Variants in LVRN observed in about 807,000 individuals in gnomAD.
LVRN encodes the protein aminopeptidase Q.
A neutral mutation model predicts 111.4 loss-of-function variants in LVRN; 99 were observed. The observed-to-expected ratio is 0.89, with a 90% CI of 0.76 to 1.05. The LOEUF is 1.05. Among genes scored for constraint, LVRN ranks in the 50% least tolerant of loss-of-function variants. The pLI is 0.00. For missense variants in LVRN, 1,414 were observed against 1,206.8 expected, an observed-to-expected ratio of 1.17 and a Z score of -2.54; for synonymous variants, 488 against 449.5, an observed-to-expected ratio of 1.09 and a Z score of -1.08.
chr5:115,970,384 CTTTTT>C (rs3984987), intron 1 of LVRN, among the ~76,000 whole-genome samples: 3 of 133,834 alleles, frequency 2.2e-5, no homozygotes, highest in Non-Finnish European at 1.6e-5. Context: ...GAAATACATT[CTTTTT>C]TTTTTTTTTT....
chr5:115,992,654 A>C (rs1488931706), intron 5 of LVRN, among the ~76,000 whole-genome samples: 1 of 152,180 alleles, frequency 6.6e-6, no homozygotes, highest in Non-Finnish European at 1.5e-5. Flanking sequence ...TCATCAGCAG[A>C]TTGTTATAAA....
rs1748009522 is a variant in LVRN at position 115,992,226 on chromosome 5, A to G, written c.1209A>G (p.Thr403=). The G allele has an allele frequency of 6.2e-7, 1 of 1,613,930 alleles. No individual in the cohort carries two copies. Among genetic ancestry groups the G allele is most frequent in the Non-Finnish European group, 8.5e-7 (1 of 1,179,926 alleles). ...GLLLEPKDQL[T]EKKTLISYVV... ...TGTTGGAACCAAAAGATCAACTGACAGAAAAAAAGACTCTGATCTCCTATG... is the reference window on the plus strand; with the variant it reads ...TGTTGGAACCAAAAGATCAACTGACGGAAAAAAAGACTCTGATCTCCTATG... The change falls in exon 5 of 20, where the codon ACA becomes ACG. Residue 403 remains threonine (T), a synonymous_variant. Coordinates refer to ENST00000357872, the MANE Select transcript of LVRN (RefSeq NM_173800.5).
At chr5:115,971,397 A>G (rs6594920) in intron 1 of LVRN, among the ~76,000 whole-genome samples, 57,258 of 151,948 alleles carry the variant, frequency 0.38, 11,348 homozygotes, top group East Asian at 0.52. Flanking sequence ...TATCTGTGAA[A>G]ACATTGTCTA....
intron 19 of LVRN, among the ~76,000 whole-genome samples, chr5:116,022,973 A>C (rs964755522): frequency 6.6e-6 from 1 of 152,162 alleles, no homozygotes; most frequent in African/African-American, 2.4e-5. Flanking sequence ...ACCACTTACA[A>C]ATTTTCTTGA....
intron 3 of LVRN, among the ~76,000 whole-genome samples, chr5:115,985,933 G>A (rs1747848937): frequency 3.3e-5 from 5 of 152,188 alleles, no homozygotes; most frequent in Admixed American, 3.3e-4. Flanking sequence ...AGGGGCCCAA[G>A]GTCTTCCAGG....
rs759375061 is a variant in LVRN at position 115,983,435 on chromosome 5, T to A, written c.838+6T>A. On this transcript the variant is annotated splice_donor_region_variant and intron_variant, in intron 2 of 19. Transcript: ENST00000357872. ...TTCCAACATGCCAAAGCTAGGTAAG[T>A]AATGCTTTCTGTCTATATCTAGCTG... The A allele has an allele frequency of 2.5e-6, 4 of 1,591,362 alleles. No homozygotes were observed. The Admixed American group carries it at 5.5e-5, about 22-fold the overall frequency.
intron 1 of LVRN, among the ~76,000 whole-genome samples, chr5:115,963,560 A>T (rs1303092561): frequency 2.0e-5 from 3 of 152,202 alleles, no homozygotes; most frequent in African/African-American, 7.2e-5. Flanking sequence ...TGCACCCATT[A>T]AGAAATATAC....
intron 4 of LVRN, among the ~76,000 whole-genome samples, chr5:115,989,264 T>C (rs1747931877): frequency 6.6e-6 from 1 of 152,186 alleles, no homozygotes; most frequent in African/African-American, 2.4e-5. Flanking sequence ...TACCAACCTC[T>C]CAGGGCTTTT....
chr5:115,996,300 C>CA (rs1748108668), intron 6 of LVRN, among the ~76,000 whole-genome samples: 1 of 152,134 alleles, frequency 6.6e-6, no homozygotes, highest in Admixed American at 6.6e-5. Flanking sequence ...CAAAACTTGC[C>CA]AAAAACATAT....
chr5:116,001,163 A>C lies in LVRN; in HGVS notation c.1744A>C (p.Asn582His). The C allele has an allele frequency of 1.2e-6, 2 of 1,614,038 alleles. No homozygotes were observed. The highest frequency in any genetic ancestry group is 1.7e-6 in the Non-Finnish European group (2 of 1,179,994). Residue 582 changes from asparagine (N) to histidine (H), a missense_variant, in exon 10 of 20, where the codon AAT becomes CAT. Transcript: ENST00000357872. The part of the protein sequence containing the change: ...HQSGFPVITL[N>H]VSTGVMKQEP... ...GAGTGGTTTTCCAGTGATCACTTTA[A>C]ATGTGTCTACTGGCGTCATGAAACA...
chr5:116,010,971 G>A (rs1247712372), intron 14 of LVRN, 77 bp downstream of exon 14: 2 of 1,079,812 alleles, frequency 1.9e-6, no homozygotes, highest in Admixed American at 3.9e-5. Flanking sequence ...GCATCTGTGA[G>A]ACAGGTCTTT....
chr5:116,014,168 T>C (rs1487137227), intron 15 of LVRN, among the ~76,000 whole-genome samples: 1 of 152,210 alleles, frequency 6.6e-6, no homozygotes. Flanking sequence ...AGGATGGCAG[T>C]AATTTGTTTC....
At chr5:115,979,057 G>A (rs1436706168) in intron 1 of LVRN, among the ~76,000 whole-genome samples, 1 of 152,044 alleles carries the variant, frequency 6.6e-6, no homozygotes, top group Non-Finnish European at 1.5e-5. Flanking sequence ...GTATCTCAAA[G>A]CTCCTCCAGC....
intron 1 of LVRN, among the ~76,000 whole-genome samples, chr5:115,973,988 A>G (rs1297594169): frequency 6.6e-6 from 1 of 152,208 alleles, no homozygotes. Flanking sequence ...AGAATATAAT[A>G]AGCCCCCATT....
rs1473868864 is a variant in LVRN at position 115,962,916 on chromosome 5, C to A, written c.299C>A (p.Pro100His). 5 of 1,613,030 alleles carry A rather than the reference C, an allele frequency of 3.1e-6. No individual in the cohort carries two copies. Among genetic ancestry groups the A allele is most frequent in the Non-Finnish European group, 4.2e-6 (5 of 1,179,760 alleles). The change falls in exon 1 of 20, where the codon CCC becomes CAC. Residue 100 changes from proline to histidine, a missense_variant. Coordinates refer to ENST00000357872, the MANE Select transcript of LVRN (RefSeq NM_173800.5). ...PGPWDQLRLP[P>H]WLVPLHYDLE... ...CCCTGGGACCAGCTACGCCTGCCGCCCTGGCTCGTGCCGCTGCACTACGAT... is the reference window on the plus strand; with the variant it reads ...CCCTGGGACCAGCTACGCCTGCCGCACTGGCTCGTGCCGCTGCACTACGAT...
intron 1 of LVRN, among the ~76,000 whole-genome samples, chr5:115,979,998 G>C (rs1327697216): frequency 6.6e-6 from 1 of 152,096 alleles, no homozygotes; most frequent in Non-Finnish European, 1.5e-5. Flanking sequence ...GTGAGTCCAT[G>C]ATCCACTTCC....
chr5:115,965,045 T>A (rs2112544125), intron 1 of LVRN, among the ~76,000 whole-genome samples: 1 of 152,336 alleles, frequency 6.6e-6, no homozygotes, highest in African/African-American at 2.4e-5. Context: ...GCTAGTCTCT[T>A]AACCTCTCTG....
chr5:115,984,801 T>G (rs116459857), intron 3 of LVRN, 92 bp downstream of exon 3: 13 of 1,499,634 alleles, frequency 8.7e-6, no homozygotes, highest in South Asian at 1.3e-5. Flanking sequence ...TGGCTGCATA[T>G]CCCCAAATCG....
intron 1 of LVRN, among the ~76,000 whole-genome samples, chr5:115,971,519 G>GT (rs541307885): frequency 7.9e-5 from 12 of 151,982 alleles, no homozygotes; most frequent in African/African-American, 7.2e-5. Context: ...GGATTAAAGA[G>GT]TTTTTTTGCC....
Sources: gnomAD v4.1 joint callset for allele counts (sites outside exome capture counted in the v4.1 genomes callset) on GRCh38, gnomAD v4.1.1 for gene constraint, MANE v1.5 for transcripts, NCBI Gene and HGNC (gene_info 2026-07-23, HGNC 2026-07-21) for gene names.